Variants in SEMA3A observed in about 807,000 individuals in gnomAD.
SEMA3A encodes semaphorin 3A, also known as semaphorin-3A.
In SEMA3A, 29 loss-of-function variants were observed where a neutral mutation model predicts 97.9. The observed-to-expected ratio is 0.30, with a 90% CI of 0.22 to 0.40. SEMA3A has a LOEUF of 0.40. SEMA3A is among the 10% of genes least tolerant of loss of function. The pLI, the probability that SEMA3A is intolerant of heterozygous loss-of-function variation, is 1.00. For missense variants in SEMA3A, 763 were observed against 951.3 expected (o/e 0.80, Z 2.60); for synonymous variants, 321 against 323.7 (o/e 0.99, Z 0.09).
chr7:84,266,017 C>G (rs1275291045), intron 3 of SEMA3A, among the ~76,000 whole-genome samples: 2 of 151,862 alleles, frequency 1.3e-5, no homozygotes, highest in Non-Finnish European at 2.9e-5. Flanking sequence ...GTCAGAGTAA[C>G]ATTTTCAAAC....
At chr7:84,416,146 A>G (rs578031722) in intron 1 of SEMA3A, among the ~76,000 whole-genome samples, 186 of 152,214 alleles carry the variant, frequency 1.2e-3, no homozygotes, top group African/African-American at 4.2e-3. Context: ...CTTGAATTGT[A>G]TCTCCTAGAA....
chr7:84,099,814 A>T (rs1277276174), intron 4 of SEMA3A, among the ~76,000 whole-genome samples: 1 of 152,126 alleles, frequency 6.6e-6, no homozygotes, highest in Non-Finnish European at 1.5e-5. Context: ...TTATGATGTC[A>T]CTACTGAACT....
chr7:84,264,021 AAC>A (rs1799926707), intron 3 of SEMA3A, among the ~76,000 whole-genome samples: 1 of 152,198 alleles, frequency 6.6e-6, no homozygotes, highest in Non-Finnish European at 1.5e-5. Flanking sequence ...TAAATTATGA[AAC>A]AGTCAGCATT....
chr7:84,169,631 T>C (rs1288051713), intron 1 of SEMA3A, among the ~76,000 whole-genome samples: 2 of 151,188 alleles, frequency 1.3e-5, no homozygotes, highest in African/African-American at 4.8e-5. Flanking sequence ...TTCCAGAAGT[T>C]TCTTCTTGGC....
chr7:84,310,206 T>A (rs1692937284), intron 2 of SEMA3A, among the ~76,000 whole-genome samples: 1 of 152,118 alleles, frequency 6.6e-6, no homozygotes, highest in Non-Finnish European at 1.5e-5. Flanking sequence ...TTCAGTAGTA[T>A]AATGATAATT....
intron 6 of SEMA3A, among the ~76,000 whole-genome samples, chr7:84,034,332 A>C (rs1791868158): frequency 6.6e-6 from 1 of 152,176 alleles, no homozygotes; most frequent in Non-Finnish European, 1.5e-5. Flanking sequence ...CTGACTCGAC[A>C]AACATTCCTT....
At chr7:84,123,849 G>A (rs1795709776) in intron 3 of SEMA3A, among the ~76,000 whole-genome samples, 1 of 151,454 alleles carries the variant, frequency 6.6e-6, no homozygotes, top group South Asian at 2.1e-4. Context: ...GAGCAAGAGA[G>A]TATAACTATG....
chr7:84,102,006 T>C (rs1178321164), intron 4 of SEMA3A, among the ~76,000 whole-genome samples: 1 of 120,730 alleles, frequency 8.3e-6, no homozygotes, highest in Non-Finnish European at 2.0e-5. Context: ...CACCTGTGGT[T>C]ATTTTTATTC....
chr7:84,244,603 G>T (rs1356282140), intron 3 of SEMA3A, among the ~76,000 whole-genome samples: 1 of 152,040 alleles, frequency 6.6e-6, no homozygotes, highest in African/African-American at 2.4e-5. Context: ...AGTTAATATT[G>T]TTACGTGTGA....
intron 1 of SEMA3A, among the ~76,000 whole-genome samples, chr7:84,187,288 G>C (rs962738010): frequency 5.9e-5 from 9 of 152,082 alleles, no homozygotes; most frequent in Admixed American, 2.6e-4. Flanking sequence ...ACTGAGAATG[G>C]GATACTTTCA....
intron 14 of SEMA3A, among the ~76,000 whole-genome samples, chr7:83,981,023 G>C (rs1789392964): frequency 6.6e-6 from 1 of 152,046 alleles, no homozygotes; most frequent in Non-Finnish European, 1.5e-5. Context: ...TTAAAAATGA[G>C]ACAGAATGTT....
chr7:84,317,855 G>T (rs1417102617), intron 2 of SEMA3A, among the ~76,000 whole-genome samples: 1 of 152,030 alleles, frequency 6.6e-6, no homozygotes, highest in African/African-American at 2.4e-5. Flanking sequence ...TCTGATTTCT[G>T]GGTAAGCTTT....
At chr7:84,128,356 G>C (rs914921952) in intron 3 of SEMA3A, among the ~76,000 whole-genome samples, 1 of 151,958 alleles carries the variant, frequency 6.6e-6, no homozygotes, top group African/African-American at 2.4e-5. Flanking sequence ...AAGAAGAAAA[G>C]ATACGTAATT....
At chr7:83,987,735 T>G (rs995294620) in intron 12 of SEMA3A, among the ~76,000 whole-genome samples, 1 of 152,212 alleles carries the variant, frequency 6.6e-6, no homozygotes, top group Admixed American at 6.5e-5. Context: ...CACTATACTG[T>G]CTTTCTTCCA....
chr7:84,127,074 G>T (rs935146078), intron 3 of SEMA3A, among the ~76,000 whole-genome samples: 8 of 151,880 alleles, frequency 5.3e-5, no homozygotes, highest in Non-Finnish European at 2.9e-5. Flanking sequence ...TACTATGAAG[G>T]TGTAAAGGGA....
intron 1 of SEMA3A, among the ~76,000 whole-genome samples, chr7:84,434,001 A>T (rs1046311019): frequency 6.6e-6 from 1 of 152,002 alleles, no homozygotes; most frequent in Non-Finnish European, 1.5e-5. Context: ...GATTGTAAAA[A>T]CTTTCTCCCT....
chr7:84,389,227 G>A (rs893585297), intron 1 of SEMA3A, among the ~76,000 whole-genome samples: 2 of 151,954 alleles, frequency 1.3e-5, no homozygotes, highest in Non-Finnish European at 2.9e-5. Flanking sequence ...TTTAAGCTTT[G>A]ACCTTCTAGA....
At chr7:83,961,890 C>T (rs1788487788) in intron 16 of SEMA3A, 64 bp from the exon 17 acceptor site, 2 of 1,248,556 alleles carry the variant, frequency 1.6e-6, no homozygotes, top group South Asian at 2.7e-5. Context: ...AGCTCTGAAA[C>T]TCCGTGTCTG....
intron 1 of SEMA3A, among the ~76,000 whole-genome samples, chr7:84,461,361 T>C (rs1419114063): frequency 6.6e-6 from 1 of 152,178 alleles, no homozygotes; most frequent in African/African-American, 2.4e-5. Context: ...AGACAGGTTG[T>C]AACTTTTTCA....
Sources: allele counts gnomAD v4.1 joint callset (sites outside exome capture counted in the v4.1 genomes callset), GRCh38; gene constraint gnomAD v4.1.1; transcripts MANE v1.5; gene names NCBI Gene and HGNC (gene_info 2026-07-23, HGNC 2026-07-21).